Variants in ZNF385D observed in about 807,000 individuals in gnomAD.
ZNF385D encodes the protein zinc finger protein 385D, also known as zinc finger protein 659.
ZNF385D carries 15 observed loss-of-function variants against 35.8 expected under a neutral mutation model. The observed-to-expected ratio is 0.42, with a 90% CI of 0.28 to 0.64. The LOEUF is 0.64. Ranked by LOEUF, ZNF385D falls within the 30% of genes least tolerant of loss-of-function variation. ZNF385D has a pLI of 0.23. For missense variants in ZNF385D, 474 were observed against 494.6 expected (o/e 0.96, Z 0.39); for synonymous variants, 212 against 186.8 (o/e 1.13, Z -1.10).
intron 3 of ZNF385D, among the ~76,000 whole-genome samples, chr3:22,050,584 T>C (rs1245541943): frequency 6.6e-6 from 1 of 152,208 alleles, no homozygotes; most frequent in African/African-American, 2.4e-5. Context: ...TTGTATGTAT[T>C]GAACATTGTT....
chr3:21,554,533 C>G (rs1006271213), intron 3 of ZNF385D, among the ~76,000 whole-genome samples: 6 of 152,168 alleles, frequency 3.9e-5, no homozygotes, highest in African/African-American at 1.4e-4. Flanking sequence ...AATTTAGACA[C>G]TAACTTCATT....
chr3:21,926,791 T>C lies in ZNF385D; in HGVS notation c.325+242026A>G, dbSNP rs140449026. 1.9e-3 allele frequency among the ~76,000 whole-genome samples: 294 copies of C among 152,182 alleles called. 1 individual carries two copies. The highest frequency in any genetic ancestry group is 6.8e-3 in the African/African-American group (282 of 41,526). On this transcript the variant is annotated intron_variant, in intron 3 of 5. Transcript: ENST00000494108. ...AAAGCAATGGCAACAAAAACCAAAA[T>C]AGACAAATGGGATCTAATTAAACTA...
In ZNF385D at chr3:22,127,109, G is replaced by C. The variant is rs543033679; in HGVS notation, c.325+41708C>G. Among the ~76,000 whole-genome samples the C allele has an allele frequency of 2.4e-4, 37 of 151,956 alleles. 2 individuals are homozygous for C. In the South Asian group the frequency reaches 7.3e-3, roughly 30 times the overall value. Reference sequence around the variant, plus strand: ...TTTCTTATAAGCAATAGATCATTAGGTCTTACTTTTTATCCATTCAGTCAC... The same window carrying C: ...TTTCTTATAAGCAATAGATCATTAGCTCTTACTTTTTATCCATTCAGTCAC... On this transcript the variant is annotated intron_variant, in intron 3 of 5. Coordinates refer to the ZNF385D transcript ENST00000494108.
intron 3 of ZNF385D, among the ~76,000 whole-genome samples, chr3:22,142,105 G>C (rs74548800): frequency 6.6e-6 from 1 of 152,184 alleles, no homozygotes; most frequent in Non-Finnish European, 1.5e-5. Flanking sequence ...GAGCTTGAAA[G>C]AACCTTGGAA....
chr3:22,238,699 T>A lies in ZNF385D; in HGVS notation c.107-69664A>T, dbSNP rs368475590. On this transcript the variant is annotated intron_variant, in intron 2 of 5. Transcript: ENST00000494108. ...TGGTTTATGTGTATGTATTTGTGTG[T>A]ATATGTGGGTGTGTAATGTTTCTTA... Among the ~76,000 whole-genome samples the A allele has an allele frequency of 4.0e-5, 6 of 151,008 alleles. 1 individual carries two copies. In the South Asian group the frequency reaches 6.5e-4, roughly 16 times the overall value.
intron 2 of ZNF385D, among the ~76,000 whole-genome samples, chr3:22,206,876 A>G (rs1697192665): frequency 6.6e-6 from 1 of 151,892 alleles, no homozygotes; most frequent in Admixed American, 6.6e-5. Flanking sequence ...AAAAGAGCAA[A>G]CCAAAGCCAA....
chr3:22,086,967 A>G (rs1280336863), intron 3 of ZNF385D, among the ~76,000 whole-genome samples: 1 of 152,144 alleles, frequency 6.6e-6, no homozygotes, highest in Non-Finnish European at 1.5e-5. Context: ...TAGCATTAGG[A>G]GAATTACCTA....
intron 3 of ZNF385D, among the ~76,000 whole-genome samples, chr3:21,959,867 A>C (rs950935175): frequency 1.3e-5 from 2 of 152,134 alleles, no homozygotes; most frequent in South Asian, 4.1e-4. Flanking sequence ...AGCCTCTAGA[A>C]GAGTGTCTGG....
At chr3:21,804,294 AAAGT>A (rs575399635) in intron 3 of ZNF385D, among the ~76,000 whole-genome samples, 19 of 152,316 alleles carry the variant, frequency 1.2e-4, no homozygotes, top group Middle Eastern at 3.4e-3. Context: ...TATATGATAA[AAAGT>A]AAGTGCCATC....
At chr3:21,756,047 A>G (rs147242718), upstream of ZNF385D, among the ~76,000 whole-genome samples, 8 of 152,346 alleles carry the variant, frequency 5.3e-5, 1 homozygote, top group African/African-American at 1.7e-4. Context: ...TATGACTTAC[A>G]TGATATAACT....
chr3:21,515,815 A>G (rs188998247), intron 3 of ZNF385D, among the ~76,000 whole-genome samples: 246 of 152,336 alleles, frequency 1.6e-3, no homozygotes, highest in African/African-American at 5.6e-3. Flanking sequence ...AGGATTATGG[A>G]AGGGACCCTA....
At chr3:22,114,834 G>C (rs1486451436) in intron 3 of ZNF385D, among the ~76,000 whole-genome samples, 1 of 151,988 alleles carries the variant, frequency 6.6e-6, no homozygotes, top group Admixed American at 6.6e-5. Flanking sequence ...TAGATCATGA[G>C]GACTTTTGTG....
chr3:21,990,858 G>C (rs1221715124), intron 3 of ZNF385D, among the ~76,000 whole-genome samples: 1 of 152,146 alleles, frequency 6.6e-6, no homozygotes, highest in East Asian at 1.9e-4. Context: ...AAAACAGAAT[G>C]CTACATGTGA....
At chr3:21,528,343 G>A (rs184434567) in intron 3 of ZNF385D, among the ~76,000 whole-genome samples, 85 of 152,174 alleles carry the variant, frequency 5.6e-4, no homozygotes, top group African/African-American at 1.8e-3. Flanking sequence ...TTCTTCTTCT[G>A]TGACACACAG....
At chr3:22,278,495 T>A (rs768626000) in intron 2 of ZNF385D, among the ~76,000 whole-genome samples, 2 of 152,118 alleles carry the variant, frequency 1.3e-5, no homozygotes, top group African/African-American at 4.8e-5. Context: ...CTGGGGTGGA[T>A]CCAATGACTT....
chr3:21,542,896 A>T (rs192567059), intron 3 of ZNF385D: 1 of 152,340 alleles, frequency 6.6e-6, no homozygotes, highest in African/African-American at 2.4e-5. Flanking sequence ...TCCAAACCTA[A>T]ATTTTCCTGG....
intron 3 of ZNF385D, among the ~76,000 whole-genome samples, chr3:22,014,890 A>T (rs79029738): frequency 0.2 from 30,807 of 152,154 alleles, 3,580 homozygotes; most frequent in Non-Finnish European, 0.27. Flanking sequence ...GAAAGTAAAG[A>T]TCATTTACAA....
At chr3:21,929,411 T>C (rs1196809125) in intron 3 of ZNF385D, among the ~76,000 whole-genome samples, 2 of 152,106 alleles carry the variant, frequency 1.3e-5, no homozygotes, top group African/African-American at 4.8e-5. Context: ...GAGCAAGGCA[T>C]AGACAGCTGA....
chr3:21,432,599 T>C (rs139107951), intron 5 of ZNF385D, among the ~76,000 whole-genome samples: 161 of 152,148 alleles, frequency 1.1e-3, no homozygotes, highest in African/African-American at 3.8e-3. Context: ...GAATTTTTTT[T>C]TGTGGGGGGA....
Sources: allele counts gnomAD v4.1 joint callset (sites outside exome capture counted in the v4.1 genomes callset), GRCh38; gene constraint gnomAD v4.1.1; transcripts MANE v1.5; gene names NCBI Gene and HGNC (gene_info 2026-07-23, HGNC 2026-07-21).